MARK3: variants seen among roughly 807,000 people sequenced by gnomAD.
MARK3 encodes MAP/microtubule affinity-regulating kinase 3.
In MARK3, 46 loss-of-function variants were observed where a neutral mutation model predicts 90.1. The ratio of observed to expected loss-of-function variants is 0.51; its 90% CI spans 0.40 to 0.65. The LOEUF (loss-of-function observed/expected upper bound fraction) is 0.65. Ranked by LOEUF, MARK3 falls within the 30% of genes least tolerant of loss-of-function variation. The pLI is 0.00. For synonymous variants in MARK3, 321 were observed against 332.6 expected (o/e 0.97, Z 0.38); for missense variants, 818 against 947.2 (o/e 0.86, Z 1.79).
At chr14:103,446,710 CTTTTTTTTTTTTTT>C (rs746523547) in intron 3 of MARK3, among the ~76,000 whole-genome samples, 1 of 98,052 alleles carries the variant, frequency 1.0e-5, no homozygotes, top group Non-Finnish European at 1.8e-5. Flanking sequence ...AGATTGTTGT[CTTTTTTTTTTTTTT>C]TTTTTTTTTT....
At chr14:103,461,775 A>G (rs7148614) in intron 6 of MARK3, among the ~76,000 whole-genome samples, 94,548 of 151,960 alleles carry the variant, frequency 0.62, 30,473 homozygotes, top group Middle Eastern at 0.75. Context: ...AGTGGCTCAC[A>G]CCTGTAATCC....
intron 1 of MARK3, among the ~76,000 whole-genome samples, chr14:103,391,327 C>T (rs1367849024): frequency 6.6e-6 from 1 of 152,174 alleles, no homozygotes; most frequent in East Asian, 1.9e-4. Flanking sequence ...AATCTTATTT[C>T]ATTTATAAAT....
intron 3 of MARK3, among the ~76,000 whole-genome samples, chr14:103,431,682 G>A (rs756116329): frequency 1.3e-5 from 2 of 152,108 alleles, no homozygotes; most frequent in African/African-American, 4.8e-5. Context: ...GCACATTCAG[G>A]GATGGAGACA....
intron 12 of MARK3, among the ~76,000 whole-genome samples, chr14:103,473,804 A>G (rs1195408134): frequency 1.3e-5 from 2 of 152,126 alleles, no homozygotes; most frequent in Non-Finnish European, 2.9e-5. Context: ...AGCTGAAGCC[A>G]TCCTCCCACC....
rs2089751154 is a variant in MARK3, at chr14:103,385,959, GGT to G, written c.-70_-69del. On this transcript the variant is annotated 5_prime_UTR_variant, in exon 1 of 18. Transcript: ENST00000429436. ...GAACTGCCGTGGACTCGAGGACGCT[GGT>G]CGCCGGCCTCCTAGGGCTGTGCTGT... is the stretch of plus-strand genomic sequence containing the variant. 37 of 1,307,574 alleles carry G rather than the reference GGT, an allele frequency of 2.8e-5. No homozygotes were observed. Among genetic ancestry groups the G allele is most frequent in the Non-Finnish European group, 3.8e-5 (34 of 901,720 alleles). The allele number at this position is 1,307,574 out of a possible 1,614,324, so 81.0% of individuals were successfully genotyped here.
At chr14:103,419,701 C>G (rs139801755) in intron 2 of MARK3, among the ~76,000 whole-genome samples, 128 of 151,602 alleles carry the variant, frequency 8.4e-4, no homozygotes, top group African/African-American at 3.0e-3. Flanking sequence ...GACATTATAC[C>G]AAAACTCAGC....
In MARK3 at chr14:103,385,866, C is replaced by G. The variant is rs1260096446; in HGVS notation, c.-164C>G. On this transcript the variant is annotated 5_prime_UTR_variant, in exon 1 of 18. Transcript: ENST00000429436. Reference sequence around the variant, plus strand: ...GCCCCGGGACCCGCCGGGGGACGGCCCGGGCCAGGCCCGGGATCTAGACGG... The same window carrying G: ...GCCCCGGGACCCGCCGGGGGACGGCGCGGGCCAGGCCCGGGATCTAGACGG... 2 of 582,908 alleles carry G rather than the reference C, an allele frequency of 3.4e-6. No homozygotes were observed. The highest frequency in any genetic ancestry group is 3.2e-5 in the Admixed American group (1 of 31,344). 36.1% of individuals were successfully genotyped at this position (582,908 alleles called of 1,614,324 possible). A position where few individuals can be genotyped will look rare whatever the true frequency, so the allele number is the denominator to read the frequency against.
chr14:103,472,647 CAA>C (rs71126028), intron 12 of MARK3, among the ~76,000 whole-genome samples: 1,114 of 72,550 alleles, frequency 0.015, 4 homozygotes, highest in African/African-American at 0.038. Context: ...GGCTCCATCT[CAA>C]AAAAAAAAAA....
chr14:103,430,420 G>C (rs187309790), intron 3 of MARK3, among the ~76,000 whole-genome samples: 132 of 135,972 alleles, frequency 9.7e-4, no homozygotes, highest in African/African-American at 3.7e-3. Context: ...AATGTACCAG[G>C]CAACTTTGTC....
chr14:103,425,573 A>C (rs2092377575), intron 2 of MARK3, among the ~76,000 whole-genome samples: 1 of 152,190 alleles, frequency 6.6e-6, no homozygotes, highest in South Asian at 2.1e-4. Flanking sequence ...GTATTTATTG[A>C]GTACTCCTTA....
At chr14:103,425,045 A>G (rs1236719106) in intron 2 of MARK3, among the ~76,000 whole-genome samples, 4 of 151,156 alleles carry the variant, frequency 2.6e-5, no homozygotes, top group African/African-American at 9.7e-5. Flanking sequence ...AATTCAAGCA[A>G]TTCTCCTGCC....
At chr14:103,397,324 A>G (rs1163940384) in intron 1 of MARK3, among the ~76,000 whole-genome samples, 1 of 138,544 alleles carries the variant, frequency 7.2e-6, no homozygotes, top group Non-Finnish European at 1.6e-5. Context: ...TACTGAATAA[A>G]CATTTTTTTT....
chr14:103,499,178 T>A (rs1025301380), intron 16 of MARK3: 4 of 152,224 alleles, frequency 2.6e-5, no homozygotes, highest in African/African-American at 9.6e-5. Context: ...CTGATTTTAT[T>A]AATATTTTTT....
intron 3 of MARK3, among the ~76,000 whole-genome samples, chr14:103,433,420 G>A (rs886542400): frequency 2.6e-5 from 4 of 152,018 alleles, no homozygotes; most frequent in African/African-American, 7.2e-5. Flanking sequence ...GGGGCTGGAC[G>A]CAGTGGCACA....
chr14:103,416,485 A>G (rs2091947782), intron 2 of MARK3, among the ~76,000 whole-genome samples: 2 of 152,192 alleles, frequency 1.3e-5, no homozygotes, highest in African/African-American at 4.8e-5. Flanking sequence ...ATAGGAGGAA[A>G]GCAAGCCAGG....
intron 4 of MARK3, 21 bp from the exon 5 acceptor site, chr14:103,451,897 G>A (rs377237425): frequency 1.0e-5 from 16 of 1,580,226 alleles, no homozygotes; most frequent in African/African-American, 6.8e-5. Context: ...TTTTTCTTCC[G>A]TGTCCTCTCC....
chr14:103,450,875 AGTG>A (rs1490405683), intron 4 of MARK3, among the ~76,000 whole-genome samples: 1 of 114,828 alleles, frequency 8.7e-6, no homozygotes, highest in African/African-American at 3.3e-5. Context: ...TCATTTTTAA[AGTG>A]TGTGTGTGTG....
At chr14:103,481,193 G>T (rs1175975892) in intron 14 of MARK3, among the ~76,000 whole-genome samples, 1 of 152,052 alleles carries the variant, frequency 6.6e-6, no homozygotes, top group Non-Finnish European at 1.5e-5. Context: ...TAGTCTGGGT[G>T]GAGAGAAAAG....
At chr14:103,402,748 A>G (rs2091039110) in intron 1 of MARK3, among the ~76,000 whole-genome samples, 2 of 152,208 alleles carry the variant, frequency 1.3e-5, no homozygotes, top group Non-Finnish European at 2.9e-5. Context: ...CACACAGACC[A>G]CAGGGTGGTC....
Sources: allele counts gnomAD v4.1 joint callset (sites outside exome capture counted in the v4.1 genomes callset), GRCh38; gene constraint gnomAD v4.1.1; transcripts MANE v1.5; gene names NCBI Gene and HGNC (gene_info 2026-07-23, HGNC 2026-07-21).